Variants in SOS2 observed in about 807,000 individuals in gnomAD.
SOS2 encodes the protein son of sevenless homolog 2.
A neutral mutation model predicts 148.2 loss-of-function variants in SOS2; 65 were observed. The ratio of observed to expected loss-of-function variants is 0.44; its 90% CI spans 0.36 to 0.54. The LOEUF is 0.54. Ranked by LOEUF, SOS2 falls within the 20% of genes least tolerant of loss-of-function variation. SOS2 has a pLI of 0.00. For synonymous variants in SOS2, 539 were observed against 537.1 expected, an observed-to-expected ratio of 1.00 and a Z score of -0.05; for missense variants, 1,341 against 1,590.2, an observed-to-expected ratio of 0.84 and a Z score of 2.67.
At chr14:50,133,398 C>T (rs1392451025) in intron 19 of SOS2, among the ~76,000 whole-genome samples, 2 of 151,736 alleles carry the variant, frequency 1.3e-5, no homozygotes, top group African/African-American at 2.4e-5. Context: ...CAGGGTTTTG[C>T]CATGTTGCCC....
At chr14:50,178,664 GTGTGTGCATATATATATATA>G (rs1196147700) in intron 7 of SOS2, among the ~76,000 whole-genome samples, 64 of 15,818 alleles carry the variant, frequency 4.0e-3, no homozygotes, top group African/African-American at 0.013. Flanking sequence ...GTGTGTGTGT[GTGTGTGCATATATATATATA>G]TATATATATA....
Position 50,203,605 on chromosome 14 carries a change from T to TAC in SOS2, c.213+678_213+679insGT, listed in dbSNP as rs1252951168. On this transcript the variant is annotated intron_variant, in intron 2 of 22. Coordinates refer to ENST00000216373, the MANE Select transcript of SOS2 (RefSeq NM_006939.4). ...ACAGTTTTTCAGATATATATATATA[T>TAC]ATACACACACACATACATATACATT... 1.9e-3 allele frequency among the ~76,000 whole-genome samples: 294 copies of TAC among 151,808 alleles called. 3 individuals are homozygous for TAC. The highest frequency in any genetic ancestry group is 6.8e-3 in the African/African-American group (282 of 41,416).
intron 1 of SOS2, among the ~76,000 whole-genome samples, chr14:50,215,716 AAAGTAT>A (rs1301418527): frequency 6.8e-6 from 1 of 146,332 alleles, no homozygotes; most frequent in Non-Finnish European, 1.5e-5. Flanking sequence ...CCTAAAACTT[AAAGTAT>A]AATAAAAAAA....
chr14:50,150,329 C>A, intron 13 of SOS2, 99 bp from the exon 14 acceptor site: 1 of 780,668 alleles, frequency 1.3e-6, no homozygotes, highest in Non-Finnish European at 2.2e-6. Flanking sequence ...CAACAGTTAC[C>A]AACTCATGGC....
intron 8 of SOS2, among the ~76,000 whole-genome samples, chr14:50,167,102 C>T (rs997454280): frequency 2.0e-5 from 3 of 151,816 alleles, no homozygotes; most frequent in Non-Finnish European, 1.5e-5. Context: ...TATTTCTTTA[C>T]GTGCTTTTTT....
At chr14:50,133,639 T>TA (rs1391226381) in intron 19 of SOS2, among the ~76,000 whole-genome samples, 1 of 152,204 alleles carries the variant, frequency 6.6e-6, no homozygotes, top group Non-Finnish European at 1.5e-5. Context: ...TTTAGCTACT[T>TA]AGAGTTCATC....
At chr14:50,186,779 G>A (rs1885925343) in intron 5 of SOS2, among the ~76,000 whole-genome samples, 1 of 152,134 alleles carries the variant, frequency 6.6e-6, no homozygotes, top group Non-Finnish European at 1.5e-5. Context: ...CCCAGTAGGA[G>A]TTATTATAAA....
At chr14:50,192,998 T>C (rs1886195994) in intron 4 of SOS2, among the ~76,000 whole-genome samples, 1 of 151,836 alleles carries the variant, frequency 6.6e-6, no homozygotes, top group East Asian at 1.9e-4. Flanking sequence ...TTCTCTCACC[T>C]TTTTTTTGGT....
chr14:50,203,723 G>A (rs556255214), intron 2 of SOS2, among the ~76,000 whole-genome samples: 1 of 151,468 alleles, frequency 6.6e-6, no homozygotes, highest in East Asian at 1.9e-4. Flanking sequence ...ATCTTAAAAT[G>A]TACAATTTGT....
intron 8 of SOS2, among the ~76,000 whole-genome samples, chr14:50,170,184 T>C (rs1233035402): frequency 2.0e-5 from 3 of 151,856 alleles, no homozygotes; most frequent in Non-Finnish European, 4.4e-5. Context: ...CTTCTCACCT[T>C]GGCCTCCCAA....
chr14:50,187,483 G>C (rs996692806), intron 5 of SOS2, among the ~76,000 whole-genome samples: 1 of 151,726 alleles, frequency 6.6e-6, no homozygotes, highest in Non-Finnish European at 1.5e-5. Context: ...GAGTAGCTGG[G>C]ACTACAGGCG....
chr14:50,207,703 C>T (rs566713701), intron 1 of SOS2, among the ~76,000 whole-genome samples: 8 of 151,634 alleles, frequency 5.3e-5, no homozygotes, highest in African/African-American at 9.7e-5. Flanking sequence ...GTCGGGAGTT[C>T]GAGACCAGAC....
chr14:50,177,637 G>A (rs960403779), intron 7 of SOS2, among the ~76,000 whole-genome samples: 1 of 151,988 alleles, frequency 6.6e-6, no homozygotes, highest in African/African-American at 2.4e-5. Flanking sequence ...TGTATTTAAT[G>A]CATACTTTAT....
rs1377459551 is a variant in SOS2, at chr14:50,188,625, C to G, written c.586G>C (p.Glu196Gln). 3.7e-6 allele frequency: 6 copies of G among 1,610,246 alleles called. No homozygotes were observed. Among genetic ancestry groups the G allele is most frequent in the Non-Finnish European group, 5.1e-6 (6 of 1,177,714 alleles). ...CTGACAAGATCATAGTAGTTTAATT[C>G]ACCAGAAGAACTAGGTTCATCTTCA... ...LCEDEPSSSG[E>Q]LNYYDLVRTE... The change falls in exon 5 of 23, where the codon GAA becomes CAA. Residue 196 changes from glutamate to glutamine, a missense_variant. This residue lies in a region of SOS2 where 574 missense variants were observed against 711.1 expected (regional missense o/e 0.81). Transcript: ENST00000216373.
intron 6 of SOS2, 84 bp downstream of exon 6, chr14:50,182,379 A>C: frequency 1.6e-6 from 2 of 1,221,284 alleles, no homozygotes; most frequent in Admixed American, 4.0e-5. Flanking sequence ...ACGGGGTCTC[A>C]CTATGTTGCC....
chr14:50,141,836 G>A (rs1015849357), intron 16 of SOS2, among the ~76,000 whole-genome samples: 2 of 152,024 alleles, frequency 1.3e-5, no homozygotes, highest in Non-Finnish European at 2.9e-5. Flanking sequence ...GATTGGCGAG[G>A]ATTTGCCCTA....
chr14:50,123,015 A>G (rs1296181443), intron 21 of SOS2, among the ~76,000 whole-genome samples: 1 of 152,204 alleles, frequency 6.6e-6, no homozygotes, highest in Non-Finnish European at 1.5e-5. Context: ...TTAGGGAAAG[A>G]TAAGTAAAAG....
At position 50,180,604 on chromosome 14, in the gene SOS2, T is replaced by C; in HGVS notation, c.937A>G (p.Met313Val). Residue 313 changes from methionine (M) to valine (V), a missense_variant, in exon 7 of 23, where the codon ATG becomes GTG. Met to Val is a conservative substitution (Grantham distance 21). Around this residue, in one of 4 missense-constraint regions of SOS2, gnomAD observed 574 missense variants for 711.1 expected, o/e 0.81. Coordinates refer to ENST00000216373, the MANE Select transcript of SOS2 (RefSeq NM_006939.4). The stretch of plus-strand genomic sequence containing the variant: ...TGTAGAGCAACTGCAGGTCTGGCCA[T>C]CAATTTATTGAAATGTTCATGAAAC... Reference protein sequence around the residue: ...PEFHEHFNKLMARPAVALHFQ... With the variant: ...PEFHEHFNKLVARPAVALHFQ... 1 of 1,568,008 alleles carries C rather than the reference T, an allele frequency of 6.4e-7. No individual in the cohort carries two copies. Among genetic ancestry groups the C allele is most frequent in the Non-Finnish European group, 8.7e-7 (1 of 1,147,252 alleles).
chr14:50,156,275 C>CACACA (rs1884817559), intron 12 of SOS2: 2 of 151,988 alleles, frequency 1.3e-5, no homozygotes, highest in Admixed American at 6.6e-5. Flanking sequence ...CACACACACA[C>CACACA]ACACACGCAA....
Sources: allele counts gnomAD v4.1 joint callset (sites outside exome capture counted in the v4.1 genomes callset), GRCh38; gene constraint gnomAD v4.1.1; regional missense constraint gnomAD v4.1.1; transcripts MANE v1.5; gene names NCBI Gene and HGNC (gene_info 2026-07-23, HGNC 2026-07-21).